ZSCAN20: variants seen among roughly 807,000 people sequenced by gnomAD.
The protein encoded by ZSCAN20 is zinc finger and SCAN domain-containing protein 20.
In ZSCAN20, 39 loss-of-function variants were observed where a neutral mutation model predicts 97.1. That is an observed-to-expected ratio of 0.40 (90% confidence interval 0.31 to 0.52). The LOEUF is 0.52. ZSCAN20 is among the 20% of genes least tolerant of loss of function. The pLI is 0.49. For synonymous variants in ZSCAN20, 456 were observed against 467.3 expected (o/e 0.98, Z 0.31); for missense variants, 1,115 against 1,290.4 (o/e 0.86, Z 2.08).
rs1383326406 is a variant in ZSCAN20 at position 33,479,435 on chromosome 1, C to T, written c.147C>T (p.Ala49=). 1.2e-6 allele frequency: 2 copies of T among 1,614,122 alleles called. No individual in the cohort carries two copies. Among genetic ancestry groups the T allele is most frequent in the African/African-American group, 1.3e-5 (1 of 74,950 alleles). Residue 49 remains alanine, a synonymous_variant, in exon 2 of 8, where the codon GCC becomes GCT. Coordinates refer to ENST00000684572, the MANE Select transcript of ZSCAN20 (RefSeq NM_001377376.1). ...KDRGSVSGPE[A]SRQRFRQFQY... ...GTGGCTCTGTCTCTGGCCCAGAGGC[C>T]TCCCGCCAGCGCTTCAGGCAATTCC...
intron 1 of ZSCAN20, among the ~76,000 whole-genome samples, chr1:33,476,777 A>G (rs1651955164): frequency 6.6e-6 from 1 of 152,256 alleles, no homozygotes; most frequent in Non-Finnish European, 1.5e-5. Context: ...CATGAAAGGC[A>G]AAATCTTTCT....
At position 33,493,552 on chromosome 1, in the gene ZSCAN20, G is replaced by C. The variant is rs757138091; in HGVS notation, c.1810G>C (p.Gly604Arg). 5 of 1,611,886 alleles carry C rather than the reference G, an allele frequency of 3.1e-6. No individual in the cohort carries two copies. The African/African-American group carries it at 4.0e-5, about 13-fold the overall frequency. The change falls in exon 7 of 8, where the codon GGT (glycine) becomes CGT (arginine). Residue 604 changes from glycine to arginine, a missense_variant. Gly to Arg is a moderately radical substitution (Grantham distance 125). Around this residue, in one of 3 missense-constraint regions of ZSCAN20, gnomAD observed 554 missense variants for 584.9 expected, o/e 0.95. Transcript: ENST00000684572. The surrounding 1 kb of genome is among the most constrained non-coding windows in gnomAD (Gnocchi z 4.3). ...TGAGACTGATGCCCAGGAGGCCTGG[G>C]GTGAAGTGGCCAATGAAGATGCTGT... ...SAETDAQEAW[G>R]EVANEDAVKP...
At chr1:33,475,822 G>A (rs1444275527) in intron 1 of ZSCAN20, among the ~76,000 whole-genome samples, 1 of 50,670 alleles carries the variant, frequency 2.0e-5, no homozygotes, top group Non-Finnish European at 3.5e-5. Flanking sequence ...ACCACGCTTG[G>A]CTATTTTTTT....
In ZSCAN20 at chr1:33,498,503, A is replaced by G. The variant is rs1221377756; in HGVS notation, c.*3027A>G. The stretch of plus-strand genomic sequence containing the variant: ...AGTGTTCCAGGCTTGCTGTCTACCC[A>G]AGAGCTTGCTGGGCACCCAGGCGCC... On this transcript the variant is annotated 3_prime_UTR_variant, in exon 8 of 8. Transcript: ENST00000684572. Among the ~76,000 whole-genome samples, 1 of 152,122 alleles carries G rather than the reference A, an allele frequency of 6.6e-6. No homozygotes were observed. Among genetic ancestry groups the G allele is most frequent in the African/African-American group, 2.4e-5 (1 of 41,426 alleles).
In ZSCAN20 at chr1:33,491,219, G is replaced by A. The variant is rs1340303961; in HGVS notation, c.961G>A (p.Val321Met). The A allele has an allele frequency of 1.9e-6, 3 of 1,614,042 alleles. No individual in the cohort carries two copies. The highest frequency in any genetic ancestry group is 1.7e-5 in the Admixed American group (1 of 60,002). ...QYQWDVEDMK[V>M]SGVHWGYEET... ...CCAGTGGGATGTGGAGGACATGAAG[G>A]TGTCAGGTGTTCACTGGGGCTATGA... The change falls in exon 6 of 8, where the codon GTG becomes ATG. Residue 321 changes from valine (V) to methionine (M), a missense_variant. By Grantham distance (21) the Val-to-Met change is conservative. Transcript: ENST00000684572. This position sits in a 1 kb window ranked among gnomAD's most constrained non-coding sequence, Gnocchi z 4.3.
Position 33,479,259 on chromosome 1 carries a change from A to G in ZSCAN20, c.-30A>G, listed in dbSNP as rs1652046218. 13 of 1,565,424 alleles carry G rather than the reference A, an allele frequency of 8.3e-6. No homozygotes were observed. Among genetic ancestry groups the G allele is most frequent in the Non-Finnish European group, 1.1e-5 (13 of 1,153,810 alleles). Reference sequence around the variant, plus strand: ...CAGGAAGACATTGGATGAGGTCAGCATAGCTGAAGTGAGGTGTCTGGGTTA... The same window carrying G: ...CAGGAAGACATTGGATGAGGTCAGCGTAGCTGAAGTGAGGTGTCTGGGTTA... On this transcript the variant is annotated 5_prime_UTR_variant, in exon 2 of 8. Coordinates refer to ENST00000684572, the MANE Select transcript of ZSCAN20 (RefSeq NM_001377376.1).
chr1:33,486,080 A>G (rs1042868270), intron 2 of ZSCAN20, among the ~76,000 whole-genome samples: 1 of 152,202 alleles, frequency 6.6e-6, no homozygotes, highest in Non-Finnish European at 1.5e-5. Flanking sequence ...AGGCTTTGGT[A>G]AAATAGTTTC....
chr1:33,485,740 C>A (rs1210036114), intron 2 of ZSCAN20, among the ~76,000 whole-genome samples: 3 of 152,056 alleles, frequency 2.0e-5, no homozygotes, highest in Non-Finnish European at 4.4e-5. Context: ...TGACTAGAGG[C>A]TTATTGATGT....
rs554880965 is a variant in ZSCAN20 at position 33,495,727 on chromosome 1, T to G, written c.*251T>G. ...CTGACTGTCCTTGTATTTGCTATCA[T>G]GTAAGAGCTGTGTCAGTATTTGAGC... On this transcript the variant is annotated 3_prime_UTR_variant, in exon 8 of 8. Transcript: ENST00000684572. 9.4e-6 allele frequency: 3 copies of G among 320,282 alleles called. No individual in the cohort carries two copies. The South Asian group carries it at 3.6e-4, about 38-fold the overall frequency. The allele number at this position is 320,282 out of a possible 1,614,324, so 19.8% of individuals were successfully genotyped here.
rs755897207 is a variant in ZSCAN20 at position 33,494,204 on chromosome 1, G to C, written c.1874-14G>C. On this transcript the variant is annotated splice_polypyrimidine_tract_variant and intron_variant, in intron 7 of 7. Transcript: ENST00000684572. ...ATGAGTGAAGAAAAACTGCATTTCT[G>C]TCCATTTTTTCAGGTTTTGAAATGA... is the stretch of plus-strand genomic sequence containing the variant. 9 of 1,543,308 alleles carry C rather than the reference G, an allele frequency of 5.8e-6. No individual in the cohort carries two copies. The highest frequency in any genetic ancestry group is 7.0e-6 in the Non-Finnish European group (8 of 1,146,698).
chr1:33,493,593 G>A lies in ZSCAN20; in HGVS notation c.1851G>A (p.Leu617=). ...AAGATGCTGTCAAACCTTCAACCTT[G>A]TGTCCTAAAGCCCCAGACATGGGTA... is the stretch of plus-strand genomic sequence containing the variant. The part of the protein sequence containing the change: ...ANEDAVKPST[L]CPKAPDMGFE... Residue 617 remains leucine (L), a synonymous_variant, in exon 7 of 8, where the codon TTG becomes TTA. Coordinates refer to ENST00000684572, the MANE Select transcript of ZSCAN20 (RefSeq NM_001377376.1). The surrounding 1 kb of genome is among the most constrained non-coding windows in gnomAD (Gnocchi z 4.3). The A allele has an allele frequency of 6.3e-7, 1 of 1,589,700 alleles. No individual in the cohort carries two copies. Among genetic ancestry groups the A allele is most frequent in the Non-Finnish European group, 8.6e-7 (1 of 1,165,120 alleles).
chr1:33,486,058 G>A (rs976826978), intron 2 of ZSCAN20, among the ~76,000 whole-genome samples: 2 of 152,126 alleles, frequency 1.3e-5, no homozygotes, highest in African/African-American at 4.8e-5. Flanking sequence ...TTTCTCTTCC[G>A]ACAGTTAGGT....
Position 33,480,762 on chromosome 1 carries a change from A to G in ZSCAN20, c.417+1057A>G, listed in dbSNP as rs141302556. On this transcript the variant is annotated intron_variant, in intron 2 of 7. Transcript: ENST00000684572. The stretch of plus-strand genomic sequence containing the variant: ...TATGGATTTAACATTCGCAGTTTCA[A>G]CAATTTGCAAGTGACCGCTGAAAGC... Among the ~76,000 whole-genome samples the G allele has an allele frequency of 2.6e-3, 396 of 152,366 alleles. 2 individuals carry two copies. Among genetic ancestry groups the G allele is most frequent in the South Asian group, 0.019 (90 of 4,832 alleles).
rs1442957416 is a variant in ZSCAN20 at position 33,488,557 on chromosome 1, G to A, written c.510G>A (p.Glu170=). The A allele has an allele frequency of 1.2e-6, 2 of 1,613,838 alleles. No homozygotes were observed. Among genetic ancestry groups the A allele is most frequent in the Admixed American group, 3.3e-5 (2 of 59,884 alleles). The change falls in exon 3 of 8, where the codon GAG becomes GAA. Residue 170 remains glutamate (E), a synonymous_variant. Coordinates refer to ENST00000684572, the MANE Select transcript of ZSCAN20 (RefSeq NM_001377376.1). The stretch of plus-strand genomic sequence containing the variant: ...TGCAGCCAGTGGATCCCTGGCCTGA[G>A]GGACAGTCCCAGAAGAAGGGGGTGA... The part of the protein sequence containing the change: ...FQLQPVDPWP[E]GQSQKKGVKN...
chr1:33,475,598 T>C lies in ZSCAN20; in HGVS notation c.-111+2907T>C, dbSNP rs953691181. On this transcript the variant is annotated intron_variant, in intron 1 of 7. Transcript: ENST00000684572. The stretch of plus-strand genomic sequence containing the variant: ...AGGTGCCACCACCACATGCTTATTC[T>C]CGAACAGATAGTGAACGCAACTGGC... Among the ~76,000 whole-genome samples, 3 of 152,110 alleles carry C rather than the reference T, an allele frequency of 2.0e-5. No homozygotes were observed. The East Asian group carries it at 5.8e-4, about 29-fold the overall frequency.
intron 2 of ZSCAN20, among the ~76,000 whole-genome samples, chr1:33,482,434 G>A (rs142069259): frequency 6.6e-5 from 10 of 152,188 alleles, no homozygotes; most frequent in Non-Finnish European, 8.8e-5. Flanking sequence ...ACAATATTCC[G>A]TTGTGTGGAT....
At chr1:33,482,312 G>A (rs1376348063) in intron 2 of ZSCAN20, among the ~76,000 whole-genome samples, 1 of 152,150 alleles carries the variant, frequency 6.6e-6, no homozygotes, top group Non-Finnish European at 1.5e-5. Context: ...TACATAGTTG[G>A]AATCATACAG....
chr1:33,472,980 AG>A (rs890029011), intron 1 of ZSCAN20, among the ~76,000 whole-genome samples: 16 of 151,956 alleles, frequency 1.1e-4, no homozygotes, highest in Admixed American at 1.3e-4. Flanking sequence ...AGTCATAGAA[AG>A]GTCTGGAGAC....
chr1:33,500,535 A>C lies in ZSCAN20; in HGVS notation c.*5059A>C, dbSNP rs760680194. Among the ~76,000 whole-genome samples the C allele has an allele frequency of 2.1e-3, 317 of 152,238 alleles. 1 individual carries two copies. The highest frequency in any genetic ancestry group is 2.2e-3 in the Non-Finnish European group (153 of 68,028). On this transcript the variant is annotated 3_prime_UTR_variant, in exon 8 of 8. Coordinates refer to ENST00000684572, the MANE Select transcript of ZSCAN20 (RefSeq NM_001377376.1). ...TACAATTAGATAATTTTACCTAAACATGCTATAGTCGACTAGGGAGTCACA... is the reference window on the plus strand; with the variant it reads ...TACAATTAGATAATTTTACCTAAACCTGCTATAGTCGACTAGGGAGTCACA...
Sources: gnomAD v4.1 joint callset for allele counts (sites outside exome capture counted in the v4.1 genomes callset) on GRCh38, gnomAD v4.1.1 for gene constraint, gnomAD v4.1.1 regional missense constraint, Gnocchi (gnomAD v3.1) non-coding constraint, MANE v1.5 for transcripts, NCBI Gene and HGNC (gene_info 2026-07-23, HGNC 2026-07-21) for gene names.